ARHGAP6: variants seen among roughly 807,000 people sequenced by gnomAD.
ARHGAP6 encodes the protein Rho GTPase activating protein 6, also known as rho GTPase-activating protein 6.
ARHGAP6 carries 16 observed loss-of-function variants against 55.7 expected under a neutral mutation model. The observed-to-expected ratio is 0.29, with a 90% CI of 0.19 to 0.44. ARHGAP6 has a LOEUF of 0.44. Ranked by LOEUF, ARHGAP6 falls within the 20% of genes least tolerant of loss-of-function variation. The pLI is 1.00. For missense variants in ARHGAP6, 698 were observed against 808.9 expected, an observed-to-expected ratio of 0.86 and a Z score of 1.66; for synonymous variants, 382 against 360.9, an observed-to-expected ratio of 1.06 and a Z score of -0.66.
At chrX:11,622,403 T>G (rs1204095847) in intron 1 of ARHGAP6, among the ~76,000 whole-genome samples, 1 of 111,930 alleles carries the variant, frequency 8.9e-6, no homozygotes, top group Non-Finnish European at 1.9e-5. Context: ...GGAAAAGCAT[T>G]TAGAGAATTT....
At chrX:11,554,707 T>C (rs1359336029) in intron 1 of ARHGAP6, among the ~76,000 whole-genome samples, 1 of 112,108 alleles carries the variant, frequency 8.9e-6, no homozygotes, top group African/African-American at 3.2e-5. Flanking sequence ...TTCTTGGTAG[T>C]TGGTCTTTGG....
chrX:11,264,761 T>A (rs1411078107), intron 1 of ARHGAP6, among the ~76,000 whole-genome samples: 1 of 112,106 alleles, frequency 8.9e-6, no homozygotes, highest in Non-Finnish European at 1.9e-5. Context: ...CGGAGATAGA[T>A]TAGACCTTGA....
At chrX:11,223,221 G>A (rs894016579) in intron 2 of ARHGAP6, 41 of 154,388 alleles carry the variant, frequency 2.7e-4, no homozygotes, top group Non-Finnish European at 4.8e-4. Context: ...AGCTTGCAAC[G>A]AAACAAACAA....
chrX:11,417,059 C>CATATATATATATATAT (rs768174897), intron 1 of ARHGAP6, among the ~76,000 whole-genome samples: 7 of 33,360 alleles, frequency 2.1e-4, no homozygotes, highest in East Asian at 1.4e-3. Flanking sequence ...TGGGTGTGTA[C>CATATATATATATATAT]ATATATATAT....
intron 1 of ARHGAP6, among the ~76,000 whole-genome samples, chrX:11,572,136 C>T (rs915916934): frequency 9.0e-6 from 1 of 111,580 alleles, no homozygotes; most frequent in Non-Finnish European, 1.9e-5. Flanking sequence ...ACTATTTGTA[C>T]TATCAGGATA....
rs550452312 is a variant in ARHGAP6, at chrX:11,630,548, C to T, written c.588+33693G>A. ...CTGTTCACAAATGTATGTCTACTGCCTAGTGCAGTTAGCAAGATGGCTGGC... is the reference window on the plus strand; with the variant it reads ...CTGTTCACAAATGTATGTCTACTGCTTAGTGCAGTTAGCAAGATGGCTGGC... On this transcript the variant is annotated intron_variant, in intron 1 of 12. Coordinates refer to ENST00000337414, the MANE Select transcript of ARHGAP6 (RefSeq NM_013427.3). 1.1e-4 allele frequency among the ~76,000 whole-genome samples: 12 copies of T among 112,071 alleles called. No homozygotes were observed. In the South Asian group the frequency reaches 4.5e-3, roughly 42 times the overall value.
At chrX:11,172,454 A>G (rs1213681753) in intron 8 of ARHGAP6, among the ~76,000 whole-genome samples, 2 of 111,606 alleles carry the variant, frequency 1.8e-5, no homozygotes, top group African/African-American at 3.3e-5. Context: ...ACTCAGAGGT[A>G]TTTGGAGTGT....
chrX:11,376,511 T>C (rs1185448616), intron 1 of ARHGAP6, among the ~76,000 whole-genome samples: 2 of 112,966 alleles, frequency 1.8e-5, no homozygotes, highest in Non-Finnish European at 3.7e-5. Context: ...AAGGCAGGGA[T>C]CTGCCCCTGG....
intron 12 of ARHGAP6, among the ~76,000 whole-genome samples, chrX:11,141,779 C>A (rs2045622780): frequency 8.9e-6 from 1 of 112,000 alleles, no homozygotes; most frequent in South Asian, 3.7e-4. Context: ...GATTTATAAC[C>A]TTTGACTTGC....
chrX:11,434,116 G>A (rs1393403236), intron 1 of ARHGAP6, among the ~76,000 whole-genome samples: 1 of 111,977 alleles, frequency 8.9e-6, no homozygotes, highest in Non-Finnish European at 1.9e-5. Context: ...TGCATCCAGT[G>A]GGTGGAGACC....
chrX:11,301,371 C>A (rs924649180), intron 1 of ARHGAP6, among the ~76,000 whole-genome samples: 11 of 112,023 alleles, frequency 9.8e-5, no homozygotes, highest in Non-Finnish European at 1.7e-4. Context: ...GTATAGTCTT[C>A]AAAATGTTAA....
At chrX:11,372,768 T>A (rs1229133563) in intron 1 of ARHGAP6, among the ~76,000 whole-genome samples, 1 of 50,697 alleles carries the variant, frequency 2.0e-5, no homozygotes. Context: ...CGAGACTCCA[T>A]CTCAAAAAAA....
At chrX:11,293,753 C>T (rs1354573432) in intron 1 of ARHGAP6, among the ~76,000 whole-genome samples, 1 of 111,903 alleles carries the variant, frequency 8.9e-6, no homozygotes, top group Non-Finnish European at 1.9e-5. Flanking sequence ...ATAATACATT[C>T]ACAGGCTGTG....
At chrX:11,182,729 G>A (rs2046333610) in intron 5 of ARHGAP6, among the ~76,000 whole-genome samples, 2 of 100,763 alleles carry the variant, frequency 2.0e-5, no homozygotes, top group South Asian at 9.5e-4. Flanking sequence ...TTGACCTTCT[G>A]GGCTGCAGTG....
intron 1 of ARHGAP6, among the ~76,000 whole-genome samples, chrX:11,565,150 T>C (rs1035303780): frequency 8.9e-6 from 1 of 112,419 alleles, no homozygotes; most frequent in African/African-American, 3.2e-5. Flanking sequence ...GCATAGGTAC[T>C]AGTCTTTTCC....
intron 1 of ARHGAP6, among the ~76,000 whole-genome samples, chrX:11,641,219 C>T (rs1356539427): frequency 9.0e-6 from 1 of 111,279 alleles, no homozygotes; most frequent in Non-Finnish European, 1.9e-5. Context: ...TGACATTCAC[C>T]ACATCCTTCA....
chrX:11,515,206 A>G (rs753088277), intron 1 of ARHGAP6, among the ~76,000 whole-genome samples: 1 of 112,175 alleles, frequency 8.9e-6, no homozygotes, highest in Non-Finnish European at 1.9e-5. Flanking sequence ...TCCCAGTTCT[A>G]GTATAATTTC....
chrX:11,460,824 T>C (rs1385601876), intron 1 of ARHGAP6, among the ~76,000 whole-genome samples: 1 of 112,205 alleles, frequency 8.9e-6, no homozygotes, highest in Non-Finnish European at 1.9e-5. Context: ...ATTACTTCTG[T>C]GTGCCTGTTT....
chrX:11,486,976 G>A (rs907647665), intron 1 of ARHGAP6, among the ~76,000 whole-genome samples: 1 of 111,034 alleles, frequency 9.0e-6, no homozygotes, highest in African/African-American at 3.3e-5. Context: ...ATGGGAGATT[G>A]GGTACATATG....
Sources: gnomAD v4.1 joint callset for allele counts (sites outside exome capture counted in the v4.1 genomes callset) on GRCh38, gnomAD v4.1.1 for gene constraint, MANE v1.5 for transcripts, NCBI Gene and HGNC (gene_info 2026-07-23, HGNC 2026-07-21) for gene names.